The following TMEM116 variants were observed in gnomAD, a reference collection of about 807,000 sequenced individuals.
TMEM116 encodes the protein transmembrane protein 116.
Under a neutral mutation model 44.3 loss-of-function variants are expected in TMEM116, and 38 were observed. The observed-to-expected ratio is 0.86, with a 90% CI of 0.66 to 1.12. The LOEUF (loss-of-function observed/expected upper bound fraction) is 1.12, where lower values mean the gene tolerates loss of function less well. Ranked by LOEUF, TMEM116 falls within the 50% of genes most tolerant of loss-of-function variation. The pLI, the probability that TMEM116 is intolerant of heterozygous loss-of-function variation, is 0.00. For synonymous variants in TMEM116, 132 were observed against 144.8 expected (o/e 0.91, Z 0.64); for missense variants, 354 against 401.7 (o/e 0.88, Z 1.01).
intron 4 of TMEM116, among the ~76,000 whole-genome samples, chr12:111,981,429 A>G (rs1435862562): frequency 6.6e-6 from 1 of 152,220 alleles, no homozygotes; most frequent in Non-Finnish European, 1.5e-5. Flanking sequence ...TTCCTGTTGC[A>G]GGTTGTTAGT....
chr12:112,007,786 A>G (rs1230047099), intron 1 of TMEM116, among the ~76,000 whole-genome samples: 1 of 152,220 alleles, frequency 6.6e-6, no homozygotes, highest in African/African-American at 2.4e-5. Flanking sequence ...TTGCTAGGAT[A>G]ATCAATGATG....
At chr12:111,993,501 A>C (rs2076741604) in intron 3 of TMEM116, 9 of 545,932 alleles carry the variant, frequency 1.6e-5, no homozygotes, top group South Asian at 1.2e-4. Flanking sequence ...GCCAGTGCTG[A>C]ATTCTTTGCT....
chr12:111,968,640 T>G (rs974195604), intron 4 of TMEM116, among the ~76,000 whole-genome samples: 3 of 152,176 alleles, frequency 2.0e-5, no homozygotes, highest in African/African-American at 7.2e-5. Context: ...AATAAAATAG[T>G]CATCATAACT....
intron 4 of TMEM116, among the ~76,000 whole-genome samples, chr12:111,969,881 G>C (rs113758923): frequency 2.6e-5 from 4 of 152,228 alleles, no homozygotes; most frequent in South Asian, 2.1e-4. Flanking sequence ...CGCCTGGCCT[G>C]AGATTTTTTT....
chr12:112,003,165 C>A (rs1593667974), intron 3 of TMEM116, among the ~76,000 whole-genome samples: 1 of 152,220 alleles, frequency 6.6e-6, no homozygotes, highest in African/African-American at 2.4e-5. Context: ...AATCAGAGAA[C>A]TCACCTCTAG....
chr12:111,966,427 T>G lies in TMEM116; in HGVS notation c.211-23058A>C, dbSNP rs115917122. Among the ~76,000 whole-genome samples the G allele has an allele frequency of 7.8e-3, 1,189 of 152,276 alleles. 18 individuals are homozygous for G. Among genetic ancestry groups the G allele is most frequent in the African/African-American group, 0.027 (1,131 of 41,540 alleles). Reference sequence around the variant, plus strand: ...ACTGATGCCTGAGTGTACTGTCAACTTAGATAGGTCAACAGTAATAGGAAA... The same window carrying G: ...ACTGATGCCTGAGTGTACTGTCAACGTAGATAGGTCAACAGTAATAGGAAA... On this transcript the variant is annotated intron_variant, in intron 4 of 10. Transcript: ENST00000552374.
chr12:111,945,343 CAAAAAAAAAAAA>C (rs917839133), intron 4 of TMEM116, among the ~76,000 whole-genome samples: 18 of 33,814 alleles, frequency 5.3e-4, no homozygotes, highest in African/African-American at 9.0e-4. Flanking sequence ...GACTCCATCT[CAAAAAAAAAAAA>C]AAAAAAAAAA....
At chr12:112,011,055 G>A (rs1177224806) in intron 1 of TMEM116, 1 of 152,358 alleles carries the variant, frequency 6.6e-6, no homozygotes, top group African/African-American at 2.4e-5. Flanking sequence ...GGCCCCGGGA[G>A]TAGAGAGAGT....
At chr12:111,941,630 A>G (rs1161453315) in intron 5 of TMEM116, among the ~76,000 whole-genome samples, 2 of 152,210 alleles carry the variant, frequency 1.3e-5, no homozygotes, top group African/African-American at 4.8e-5. Flanking sequence ...TATTGAAAAA[A>G]GTTGAACAGC....
At chr12:111,944,086 A>G (rs906604311) in intron 4 of TMEM116, among the ~76,000 whole-genome samples, 5 of 152,160 alleles carry the variant, frequency 3.3e-5, no homozygotes, top group Admixed American at 3.3e-4. Context: ...AACATGCTGA[A>G]TAAGATATTT....
At chr12:111,988,186 C>T (rs2076330795) in intron 4 of TMEM116, among the ~76,000 whole-genome samples, 1 of 152,008 alleles carries the variant, frequency 6.6e-6, no homozygotes, top group South Asian at 2.1e-4. Flanking sequence ...GAGAAATGGG[C>T]AGTTATTGTT....
chr12:111,970,100 C>T (rs2075241550), intron 4 of TMEM116, among the ~76,000 whole-genome samples: 1 of 151,682 alleles, frequency 6.6e-6, no homozygotes, highest in African/African-American at 2.4e-5. Flanking sequence ...AACCCCATCT[C>T]TATAAAAATA....
intron 3 of TMEM116, among the ~76,000 whole-genome samples, chr12:111,996,097 A>G (rs1309066490): frequency 6.6e-6 from 1 of 151,888 alleles, no homozygotes; most frequent in South Asian, 2.1e-4. Context: ...TAAATGTGAA[A>G]GGACAAAAAC....
At position 111,986,476 on chromosome 12, in the gene TMEM116, C is replaced by A. The variant is rs140192253; in HGVS notation, c.210+5282G>T. Among the ~76,000 whole-genome samples the A allele has an allele frequency of 3.5e-4, 53 of 151,940 alleles. No individual in the cohort carries two copies. The Middle Eastern group carries it at 0.01, about 30-fold the overall frequency. ...TACATATATAATCAAATGATTTTTA[C>A]AAGGGTGCCAAGATCATTTAATGGG... On this transcript the variant is annotated intron_variant, in intron 4 of 10. Transcript: ENST00000552374.
chr12:112,006,366 G>A (rs1250894060), intron 1 of TMEM116, among the ~76,000 whole-genome samples: 2 of 152,162 alleles, frequency 1.3e-5, no homozygotes, highest in Non-Finnish European at 2.9e-5. Context: ...AAAAAAAGGG[G>A]TGGGCGGAGA....
rs143172671 is a variant in TMEM116 at position 111,975,368 on chromosome 12, C to G, written c.210+16390G>C. 4.9e-4 allele frequency among the ~76,000 whole-genome samples: 75 copies of G among 152,258 alleles called. 1 individual carries two copies. Among genetic ancestry groups the G allele is most frequent in the African/African-American group, 1.7e-3 (71 of 41,554 alleles). ...ACAGGGTCTCCCTAGGTTATTCAGT[C>G]TGATCTTGAACTCGTGGGCTCAAGC... On this transcript the variant is annotated intron_variant, in intron 4 of 10. Transcript: ENST00000552374.
intron 3 of TMEM116, among the ~76,000 whole-genome samples, chr12:111,999,324 G>A (rs897512317): frequency 1.3e-5 from 2 of 151,994 alleles, no homozygotes; most frequent in Admixed American, 6.6e-5. Context: ...TTGGCCGGGC[G>A]CGGTGACTCA....
At chr12:112,007,885 T>C (rs2077662895) in intron 1 of TMEM116, among the ~76,000 whole-genome samples, 1 of 152,260 alleles carries the variant, frequency 6.6e-6, no homozygotes, top group Non-Finnish European at 1.5e-5. Flanking sequence ...TCTATCAAAA[T>C]TAATCCCCTG....
chr12:112,001,372 G>A (rs1353561922), intron 3 of TMEM116, among the ~76,000 whole-genome samples: 2 of 152,134 alleles, frequency 1.3e-5, no homozygotes, highest in African/African-American at 2.4e-5. Context: ...GGAGTGCAGT[G>A]ATATGATCAT....
Sources: gnomAD v4.1 joint callset for allele counts (sites outside exome capture counted in the v4.1 genomes callset) on GRCh38, gnomAD v4.1.1 for gene constraint, MANE v1.5 for transcripts, NCBI Gene and HGNC (gene_info 2026-07-23, HGNC 2026-07-21) for gene names.